The following SLC5A10 variants were observed in gnomAD, a reference collection of about 807,000 sequenced individuals.
The protein encoded by SLC5A10 is sodium/mannose cotransporter SLC5A10.
In SLC5A10, 55 loss-of-function variants were observed where a neutral mutation model predicts 68.9. That is an observed-to-expected ratio of 0.80 (90% CI 0.64 to 1.00). SLC5A10 has a LOEUF of 1.00. Ranked by LOEUF, SLC5A10 falls within the 50% of genes least tolerant of loss-of-function variation. The probability of loss-of-function intolerance (pLI) is 0.00; values close to 1 mark genes in which losing one functional copy is unlikely to be tolerated. For synonymous variants in SLC5A10, 344 were observed against 344.8 expected, an observed-to-expected ratio of 1.00 and a Z score of 0.02; for missense variants, 732 against 819.3, an observed-to-expected ratio of 0.89 and a Z score of 1.30.
Position 19,003,710 on chromosome 17 carries a change from G to C in SLC5A10, c.983-9700G>C. 6.2e-7 allele frequency: 1 copy of C among 1,605,894 alleles called. No individual in the cohort carries two copies. The highest frequency in any genetic ancestry group is 8.5e-7 in the Non-Finnish European group (1 of 1,176,100). ...GTACTCCAGGGAGGGCAGCGGCTCG[G>C]CCTCGATGGGGACCCCATCCGCCCC... On this transcript the variant is annotated intron_variant, in intron 9 of 14. Transcript: ENST00000395645. This position sits in a 1 kb window ranked among gnomAD's most constrained non-coding sequence, Gnocchi z 4.5.
chr17:18,988,741 C>A (rs1042271846), intron 9 of SLC5A10, among the ~76,000 whole-genome samples: 1 of 152,260 alleles, frequency 6.6e-6, no homozygotes, highest in Non-Finnish European at 1.5e-5. Context: ...GGAAGGGCAG[C>A]AGCTGGCGTG....
intron 5 of SLC5A10, among the ~76,000 whole-genome samples, chr17:18,961,262 C>A (rs536788024): frequency 4.1e-4 from 63 of 152,284 alleles, no homozygotes; most frequent in African/African-American, 1.4e-3. Flanking sequence ...CTCCCGGTGA[C>A]CTCATGGCAA....
At chr17:18,950,768 T>TGC, upstream of SLC5A10, 1 of 874,946 alleles carries the variant, frequency 1.1e-6, no homozygotes, top group Non-Finnish European at 1.4e-6. Context: ...CAGGCTGGAC[T>TGC]GCAATGGCGC....
intron 4 of SLC5A10, 120 bp from the exon 5 acceptor site, chr17:18,960,428 C>T: frequency 1.1e-6 from 1 of 911,422 alleles, no homozygotes; most frequent in Non-Finnish European, 1.8e-6. Flanking sequence ...GGGCCTTGCC[C>T]TTGAGAGGCT....
intron 9 of SLC5A10, among the ~76,000 whole-genome samples, chr17:18,982,615 G>C (rs2043167342): frequency 6.6e-6 from 1 of 152,196 alleles, no homozygotes; most frequent in African/African-American, 2.4e-5. Flanking sequence ...TGCTTCATCT[G>C]CTCTCAGCGG....
At chr17:18,988,823 T>C (rs769025581) in intron 9 of SLC5A10, among the ~76,000 whole-genome samples, 2 of 152,238 alleles carry the variant, frequency 1.3e-5, no homozygotes, top group Admixed American at 6.5e-5. Context: ...CCCAGATCTC[T>C]TCCTGTCAGC....
chr17:18,988,165 C>T (rs895838773), intron 9 of SLC5A10: 1 of 1,548,054 alleles, frequency 6.5e-7, no homozygotes, highest in South Asian at 1.2e-5. Flanking sequence ...CCGTCCAGAG[C>T]AGGCAGGTAC....
chr17:18,973,225 G>T (rs1180746891), intron 8 of SLC5A10, among the ~76,000 whole-genome samples: 1 of 152,250 alleles, frequency 6.6e-6, no homozygotes, highest in Admixed American at 6.5e-5. Flanking sequence ...GCATGGGCTT[G>T]GCATGGCACG....
intron 9 of SLC5A10, among the ~76,000 whole-genome samples, chr17:18,997,615 G>A (rs1474099570): frequency 6.6e-6 from 1 of 152,238 alleles, no homozygotes; most frequent in Non-Finnish European, 1.5e-5. Context: ...AGCCTGGCTT[G>A]GAAAGGACTT....
Position 19,021,888 on chromosome 17 carries a change from G to T in SLC5A10, c.*1457G>T. 2 of 1,396,300 alleles carry T rather than the reference G, an allele frequency of 1.4e-6. No individual in the cohort carries two copies. The highest frequency in any genetic ancestry group is 2.7e-4 in the Middle Eastern group (1 of 3,754). The allele number at this position is 1,396,300 out of a possible 1,614,324, so 86.5% of individuals were successfully genotyped here. A position where few individuals can be genotyped will look rare whatever the true frequency, so the allele number is the denominator to read the frequency against. On this transcript the variant is annotated 3_prime_UTR_variant, in exon 15 of 15. Transcript: ENST00000395645. This position sits in a 1 kb window ranked among gnomAD's most constrained non-coding sequence, Gnocchi z 4.1. Reference sequence around the variant, plus strand: ...CCCCGTGTGACTCTGACAGAGCTGGGGGTGTCCATGTCCTCTCTGGACCTC... The same window carrying T: ...CCCCGTGTGACTCTGACAGAGCTGGTGGTGTCCATGTCCTCTCTGGACCTC...
chr17:18,966,466 G>A (rs1269200674), intron 5 of SLC5A10, among the ~76,000 whole-genome samples: 1 of 152,196 alleles, frequency 6.6e-6, no homozygotes, highest in Non-Finnish European at 1.5e-5. Context: ...CCTTCTAGGA[G>A]TTGGAATAGA....
At chr17:18,992,202 C>T (rs146487182) in intron 9 of SLC5A10, among the ~76,000 whole-genome samples, 118 of 152,300 alleles carry the variant, frequency 7.7e-4, no homozygotes, top group Non-Finnish European at 1.4e-3. Context: ...CCAGTGGATC[C>T]GCCGGCCTTC....
chr17:19,002,477 T>C (rs756376004), intron 9 of SLC5A10, among the ~76,000 whole-genome samples: 12 of 152,208 alleles, frequency 7.9e-5, no homozygotes, highest in Non-Finnish European at 1.6e-4. Context: ...GAAGCCAGCA[T>C]TCTGGTCTTC....
intron 9 of SLC5A10, among the ~76,000 whole-genome samples, chr17:19,010,768 C>T (rs1287344211): frequency 6.6e-6 from 1 of 152,242 alleles, no homozygotes; most frequent in East Asian, 1.9e-4. Context: ...CACCTGTCCT[C>T]TGAATCCTGG....
chr17:18,979,977 T>TA (rs562464098), intron 9 of SLC5A10, among the ~76,000 whole-genome samples: 185 of 152,252 alleles, frequency 1.2e-3, no homozygotes, highest in Non-Finnish European at 2.3e-3. Flanking sequence ...GGAAAAGGCT[T>TA]ACACAGCCAG....
chr17:19,008,819 T>TA lies in SLC5A10; in HGVS notation c.983-4591_983-4590insA, dbSNP rs1567810649. 4.0e-3 allele frequency among the ~76,000 whole-genome samples: 553 copies of TA among 139,348 alleles called. 4 individuals are homozygous for TA. Among genetic ancestry groups the TA allele is most frequent in the African/African-American group, 0.016 (490 of 31,314 alleles). 91.4% of individuals were successfully genotyped at this position (139,348 alleles called of 152,430 possible). ...TGGCATTATTATTATTATTATTTTT[T>TA]TTTTTTTTTTTGAGATAGCGTCTTG... On this transcript the variant is annotated intron_variant, in intron 9 of 14. Transcript: ENST00000395645.
At chr17:18,950,859 G>A (rs2042358581), upstream of SLC5A10, 1 of 189,926 alleles carries the variant, frequency 5.3e-6, no homozygotes, top group Admixed American at 6.5e-5. Flanking sequence ...GGGATTACAG[G>A]TGCGTACCAC....
chr17:19,008,825 T>A (rs1052249232), intron 9 of SLC5A10, among the ~76,000 whole-genome samples: 10 of 149,220 alleles, frequency 6.7e-5, no homozygotes, highest in Admixed American at 6.6e-4. Context: ...TTTTTTTTTT[T>A]TTTTTGAGAT....
Position 18,978,871 on chromosome 17 carries a change from G to A in SLC5A10, c.982+1882G>A, listed in dbSNP as rs372789203. ...TGAAGCTGCAACAGAGGGAGGGGGC[G>A]CTGGTCAGGCACATGACCCTGCTTC... On this transcript the variant is annotated intron_variant, in intron 9 of 14. Coordinates refer to ENST00000395645, the MANE Select transcript of SLC5A10 (RefSeq NM_001042450.4). 1.6e-5 allele frequency: 26 copies of A among 1,608,512 alleles called. 1 individual carries two copies. Among genetic ancestry groups the A allele is most frequent in the African/African-American group, 2.7e-5 (2 of 74,880 alleles).
Sources: allele counts gnomAD v4.1 joint callset (sites outside exome capture counted in the v4.1 genomes callset), GRCh38; gene constraint gnomAD v4.1.1; non-coding constraint Gnocchi (gnomAD v3.1); transcripts MANE v1.5; gene names NCBI Gene and HGNC (gene_info 2026-07-23, HGNC 2026-07-21).